Variants in TNK2 observed in about 807,000 individuals in gnomAD.
The protein encoded by TNK2 is tyrosine kinase non receptor 2, also known as activated CDC42 kinase 1.
Under a neutral mutation model 101.8 loss-of-function variants are expected in TNK2, and 83 were observed. That is an observed-to-expected ratio of 0.82 (90% CI 0.68 to 0.98). The LOEUF (loss-of-function observed/expected upper bound fraction) is 0.98. TNK2 is among the 50% of genes least tolerant of loss of function. The pLI is 0.00. For synonymous variants in TNK2, 804 were observed against 633.0 expected (o/e 1.27, Z -4.06); for missense variants, 1,665 against 1,483.2 (o/e 1.12, Z -2.01).
chr3:195,879,876 C>T (rs572161802), intron 6 of TNK2, among the ~76,000 whole-genome samples: 5 of 152,284 alleles, frequency 3.3e-5, no homozygotes, highest in African/African-American at 1.2e-4. Flanking sequence ...CCGCCCACTT[C>T]ATCGTGCTGT....
At chr3:195,887,880 G>A (rs556676200) in intron 2 of TNK2, among the ~76,000 whole-genome samples, 5 of 149,920 alleles carry the variant, frequency 3.3e-5, no homozygotes, top group South Asian at 2.1e-4. Context: ...GTGTGAGCGC[G>A]TGCGTACGCA....
At chr3:195,870,981 G>A (rs1478504462) in intron 10 of TNK2, among the ~76,000 whole-genome samples, 1 of 92,250 alleles carries the variant, frequency 1.1e-5, no homozygotes, top group South Asian at 5.0e-4. Context: ...GTGGGGTTCT[G>A]GTGTGTGGGG....
intron 11 of TNK2, 89 bp from the exon 12 acceptor site, chr3:195,869,630 T>TAGAG (rs55820842): frequency 1.8e-5 from 22 of 1,245,880 alleles, no homozygotes; most frequent in Non-Finnish European, 2.4e-5. Flanking sequence ...GGGCAGAGTG[T>TAGAG]AGAGAGACGA....
chr3:195,892,249 T>C (rs150999632), intron 1 of TNK2, among the ~76,000 whole-genome samples: 1,937 of 152,302 alleles, frequency 0.013, 52 homozygotes, highest in Admixed American at 0.061. Context: ...GAAGAAGGAA[T>C]GCAGCAGCCG....
At chr3:195,901,198 C>G (rs927792235) in intron 1 of TNK2, among the ~76,000 whole-genome samples, 1 of 152,162 alleles carries the variant, frequency 6.6e-6, no homozygotes, top group Admixed American at 6.5e-5. Context: ...TTGAAGAGCC[C>G]GGGACCCTCA....
chr3:195,882,112 C>G lies in TNK2; in HGVS notation c.826G>C (p.Ala276Pro), dbSNP rs759468401. 1 of 1,613,804 alleles carries G rather than the reference C, an allele frequency of 6.2e-7. No individual in the cohort carries two copies. The highest frequency in any genetic ancestry group is 2.2e-5 in the East Asian group (1 of 44,884). ...TAATGGTCGTCATTCTGAGGTAGTGCTCGCATCAGCCCAAAGTCCCCGATC... is the reference window on the plus strand; with the variant it reads ...TAATGGTCGTCATTCTGAGGTAGTGGTCGCATCAGCCCAAAGTCCCCGATC... ...VKIGDFGLMR[A>P]LPQNDDHYVM... Residue 276 changes from alanine to proline, a missense_variant, in exon 6 of 16, where the codon GCA (alanine) becomes CCA (proline). This residue lies in a region of TNK2 where 490 missense variants were observed against 522.5 expected (regional missense o/e 0.94). Transcript: ENST00000672887. The surrounding 1 kb of genome is among the most constrained non-coding windows in gnomAD (Gnocchi z 4.2).
At position 195,867,893 on chromosome 3, in the gene TNK2, T is replaced by G; in HGVS notation, c.2405A>C (p.Gln802Pro). 6.5e-7 allele frequency: 1 copy of G among 1,529,698 alleles called. No individual in the cohort carries two copies. Among genetic ancestry groups the G allele is most frequent in the Non-Finnish European group, 8.7e-7 (1 of 1,147,016 alleles). 94.8% of individuals were successfully genotyped at this position (1,529,698 alleles called of 1,614,324 possible). Residue 802 changes from glutamine (Q) to proline (P), a missense_variant, in exon 13 of 16, where the codon CAA becomes CCA. Physicochemically the swap from Gln to Pro is moderately conservative, Grantham distance 76. Around this residue, in one of 3 missense-constraint regions of TNK2, gnomAD observed 1,136 missense variants for 894.9 expected, o/e 1.27. Coordinates refer to ENST00000672887, the MANE Select transcript of TNK2 (RefSeq NM_001382273.1). ...RVPPREPLSP[Q>P]GSRTPSPLVP... ...CAGGGGGCTGGGTGTCCTCGAGCCT[T>G]GAGGGGACAGGGGCTCCCGCGGAGG... is the stretch of plus-strand genomic sequence containing the variant.
chr3:195,897,502 T>C (rs948859913), intron 1 of TNK2, among the ~76,000 whole-genome samples: 1 of 152,124 alleles, frequency 6.6e-6, no homozygotes, highest in Non-Finnish European at 1.5e-5. Flanking sequence ...TCACCCCACA[T>C]GTTTTTTGTT....
chr3:195,882,849 C>T lies in TNK2; in HGVS notation c.609+308G>A, dbSNP rs1753811543. On this transcript the variant is annotated intron_variant, in intron 5 of 15. Transcript: ENST00000672887. This position sits in a 1 kb window ranked among gnomAD's most constrained non-coding sequence, Gnocchi z 4.2. ...CTCCAGCCTGGGCGACAAAGTGAGACTCCATCTCAAAATAAATAGATAAAT... is the reference window on the plus strand; with the variant it reads ...CTCCAGCCTGGGCGACAAAGTGAGATTCCATCTCAAAATAAATAGATAAAT... Among the ~76,000 whole-genome samples, 1 of 152,126 alleles carries T rather than the reference C, an allele frequency of 6.6e-6. No homozygotes were observed. The highest frequency in any genetic ancestry group is 2.4e-5 in the African/African-American group (1 of 41,420).
At chr3:195,891,825 G>A in intron 1 of TNK2, 6 of 730,836 alleles carry the variant, frequency 8.2e-6, no homozygotes, top group Non-Finnish European at 8.4e-6. Context: ...GGTCAGGGCT[G>A]GGGGAGACCC....
chr3:195,864,639 A>T (rs534718864), intron 15 of TNK2, among the ~76,000 whole-genome samples: 1 of 141,000 alleles, frequency 7.1e-6, no homozygotes, highest in African/African-American at 2.6e-5. Flanking sequence ...CCCAGATGCA[A>T]ATCAGTAAGA....
Position 195,872,474 on chromosome 3 carries a change from C to A in TNK2, c.1257-4G>T, listed in dbSNP as rs376687689. On this transcript the variant is annotated splice_region_variant and splice_polypyrimidine_tract_variant and intron_variant, in intron 9 of 15. Coordinates refer to ENST00000672887, the MANE Select transcript of TNK2 (RefSeq NM_001382273.1). ...ACGCCACCAGTAGTTCTCGGCCCTGCGCGACAGAGATGGCACGGTGAACGC... is the reference window on the plus strand; with the variant it reads ...ACGCCACCAGTAGTTCTCGGCCCTGAGCGACAGAGATGGCACGGTGAACGC... 283 of 1,576,540 alleles carry A rather than the reference C, an allele frequency of 1.8e-4. No homozygotes were observed. The African/African-American group carries it at 2.9e-3, about 16-fold the overall frequency.
At chr3:195,892,403 CCACT>C in intron 1 of TNK2, 2 of 1,529,048 alleles carry the variant, frequency 1.3e-6, no homozygotes, top group Non-Finnish European at 1.7e-6. Context: ...CCCCTGCCCC[CCACT>C]CACTGTGTAC....
intron 6 of TNK2, among the ~76,000 whole-genome samples, chr3:195,879,778 G>A (rs1751368274): frequency 1.3e-5 from 2 of 152,086 alleles, no homozygotes; most frequent in Non-Finnish European, 1.5e-5. Context: ...AGCAGAGCGA[G>A]CCCTGCCCCT....
intron 1 of TNK2, chr3:195,892,546 G>C: frequency 1.3e-6 from 2 of 1,525,630 alleles, no homozygotes; most frequent in South Asian, 1.2e-5. Flanking sequence ...CTCGGCTCCG[G>C]AGCTTCGCAC....
chr3:195,883,390 C>G (rs995074380), intron 4 of TNK2, 81 bp from the exon 5 acceptor site: 1 of 1,542,758 alleles, frequency 6.5e-7, no homozygotes, highest in Non-Finnish European at 8.8e-7. Flanking sequence ...CCCTCCAACT[C>G]GGCTCAACGA....
chr3:195,871,626 G>T (rs919492809), intron 10 of TNK2, among the ~76,000 whole-genome samples: 2 of 152,118 alleles, frequency 1.3e-5, no homozygotes, highest in African/African-American at 4.8e-5. Context: ...TTTTCCTAAG[G>T]CCCGAGTACC....
At position 195,882,566 on chromosome 3, in the gene TNK2, T is replaced by G; in HGVS notation, c.610-238A>C. Reference sequence around the variant, plus strand: ...GCCCAAAGAGGCAGTGGCTAGAAATTCCAAAACTCAGCTGGACGTGGTGGC... The same window carrying G: ...GCCCAAAGAGGCAGTGGCTAGAAATGCCAAAACTCAGCTGGACGTGGTGGC... On this transcript the variant is annotated intron_variant, in intron 5 of 15. Coordinates refer to ENST00000672887, the MANE Select transcript of TNK2 (RefSeq NM_001382273.1). This position sits in a 1 kb window ranked among gnomAD's most constrained non-coding sequence, Gnocchi z 4.2. 1 of 1,511,712 alleles carries G rather than the reference T, an allele frequency of 6.6e-7. No homozygotes were observed. Among genetic ancestry groups the G allele is most frequent in the Middle Eastern group, 1.7e-4 (1 of 5,858 alleles). 93.6% of individuals were successfully genotyped at this position (1,511,712 alleles called of 1,614,324 possible).
In TNK2 at chr3:195,885,188, C is replaced by A; in HGVS notation, c.235-155G>T. On this transcript the variant is annotated intron_variant, in intron 3 of 15. Coordinates refer to ENST00000672887, the MANE Select transcript of TNK2 (RefSeq NM_001382273.1). This position sits in a 1 kb window ranked among gnomAD's most constrained non-coding sequence, Gnocchi z 4.7. ...TCAGTGGGGCAGCCTGGCTGGAGGC[C>A]CACACTCCGTCCAGGGCACACCCCC... 2.0e-6 allele frequency: 2 copies of A among 1,005,032 alleles called. No individual in the cohort carries two copies. Among genetic ancestry groups the A allele is most frequent in the East Asian group, 2.6e-5 (1 of 37,932 alleles). The allele number at this position is 1,005,032 out of a possible 1,614,324, so 62.3% of individuals were successfully genotyped here.
Sources: gnomAD v4.1 joint callset for allele counts (sites outside exome capture counted in the v4.1 genomes callset) on GRCh38, gnomAD v4.1.1 for gene constraint, gnomAD v4.1.1 regional missense constraint, Gnocchi (gnomAD v3.1) non-coding constraint, MANE v1.5 for transcripts, NCBI Gene and HGNC (gene_info 2026-07-23, HGNC 2026-07-21) for gene names.